The following KCNN1 variants were observed in gnomAD, a reference collection of about 807,000 sequenced individuals.
The protein encoded by KCNN1 is potassium calcium-activated channel subfamily N member 1, also known as small conductance calcium-activated potassium channel protein 1.
Under a neutral mutation model 44.7 loss-of-function variants are expected in KCNN1, and 20 were observed. The ratio of observed to expected loss-of-function variants is 0.45; its 90% CI spans 0.32 to 0.65. The LOEUF (loss-of-function observed/expected upper bound fraction) is 0.65. KCNN1 is among the 30% of genes least tolerant of loss of function. KCNN1 has a pLI of 0.05. For synonymous variants in KCNN1, 324 were observed against 341.7 expected, an observed-to-expected ratio of 0.95 and a Z score of 0.57; for missense variants, 632 against 785.3, an observed-to-expected ratio of 0.80 and a Z score of 2.33.
chr19:17,967,821 C>T (rs2031869103), intron 1 of KCNN1, among the ~76,000 whole-genome samples: 1 of 151,910 alleles, frequency 6.6e-6, no homozygotes, highest in Non-Finnish European at 1.5e-5. Context: ...ATGGGAGTTC[C>T]CGAGGCTGGG....
intron 2 of KCNN1, among the ~76,000 whole-genome samples, chr19:17,958,975 C>T (rs2031612516): frequency 6.7e-6 from 1 of 149,626 alleles, no homozygotes. Context: ...GCTGGGATTA[C>T]AGGCGTGAGC....
At chr19:17,981,079 T>C (rs1273493773) in intron 3 of KCNN1, among the ~76,000 whole-genome samples, 1 of 151,020 alleles carries the variant, frequency 6.6e-6, no homozygotes, top group Non-Finnish European at 1.5e-5. Context: ...TAGCCAGGCA[T>C]GGTGGCAGGC....
intron 9 of KCNN1, among the ~76,000 whole-genome samples, chr19:17,996,926 A>G (rs914143678): frequency 8.5e-5 from 13 of 152,198 alleles, no homozygotes; most frequent in African/African-American, 2.2e-4. Context: ...TCCTTCCACC[A>G]CTGCCTCCAT....
intron 9 of KCNN1, among the ~76,000 whole-genome samples, chr19:17,995,399 C>T (rs2032949298): frequency 6.6e-6 from 1 of 151,678 alleles, no homozygotes; most frequent in African/African-American, 2.4e-5. Context: ...GTCTCAAACT[C>T]CTGAGCTCAA....
At chr19:17,958,854 C>T (rs1207016745) in intron 2 of KCNN1, among the ~76,000 whole-genome samples, 8 of 151,064 alleles carry the variant, frequency 5.3e-5, no homozygotes, top group African/African-American at 1.5e-4. Context: ...CCCGCCACCA[C>T]GCCTGGCTAA....
chr19:17,961,833 C>T (rs926336090), intron 2 of KCNN1, among the ~76,000 whole-genome samples: 36 of 152,170 alleles, frequency 2.4e-4, no homozygotes, highest in African/African-American at 8.7e-4. Context: ...AGGTGATCCA[C>T]CCGCCTCGGC....
Position 17,981,999 on chromosome 19 carries a change from C to A in KCNN1, c.789C>A (p.Leu263=). Residue 263 remains leucine, a synonymous_variant, in exon 4 of 10, where the codon CTC becomes CTA. Coordinates refer to ENST00000684775, the MANE Select transcript of KCNN1 (RefSeq NM_001386974.1). ...CCTCGAGCCGCAGCATCGGGGCCCT[C>A]AACAAGATCACCTTCAACACGCGCT... The part of the protein sequence containing the change: ...TDASSRSIGA[L]NKITFNTRFV... 1 of 1,610,882 alleles carries A rather than the reference C, an allele frequency of 6.2e-7. No individual in the cohort carries two copies. The highest frequency in any genetic ancestry group is 8.5e-7 in the Non-Finnish European group (1 of 1,178,652).
At chr19:17,967,440 C>A in intron 1 of KCNN1, 123 bp downstream of exon 1, 1 of 338,324 alleles carries the variant, frequency 3.0e-6, no homozygotes, top group Non-Finnish European at 4.2e-6. Flanking sequence ...GGAGGGTCTC[C>A]GTGCGGTCCG....
chr19:17,997,499 G>C (rs1486926203), intron 9 of KCNN1, among the ~76,000 whole-genome samples: 1 of 152,168 alleles, frequency 6.6e-6, no homozygotes, highest in Non-Finnish European at 1.5e-5. Context: ...CCTGAGCTTG[G>C]CTTGCTTGCT....
rs71164333 is a variant in KCNN1, at chr19:17,970,289, A to ATTTTTT, written c.-82+3012_-82+3017dup. On this transcript the variant is annotated intron_variant, in intron 1 of 9. Coordinates refer to ENST00000684775, the MANE Select transcript of KCNN1 (RefSeq NM_001386974.1). ...AGGTCACCTGACCATAGAAGGAATG[A>ATTTTTT]TTTTTTTTTTTTTTTTTTTTTTTTT... Among the ~76,000 whole-genome samples, 22 of 56,926 alleles carry ATTTTTT rather than the reference A, an allele frequency of 3.9e-4. 4 individuals carry two copies. Among genetic ancestry groups the ATTTTTT allele is most frequent in the East Asian group, 6.0e-4 (1 of 1,656 alleles). 37.3% of individuals were successfully genotyped at this position (56,926 alleles called of 152,430 possible).
intron 1 of KCNN1, among the ~76,000 whole-genome samples, chr19:17,968,247 T>C (rs1411883138): frequency 6.6e-6 from 1 of 151,988 alleles, no homozygotes; most frequent in Non-Finnish European, 1.5e-5. Flanking sequence ...CGGAAGCCCC[T>C]GGGTGTGCAT....
rs749770335 is a variant in KCNN1 at position 17,981,730 on chromosome 19, G to A, written c.520G>A (p.Ala174Thr). 2 of 1,592,230 alleles carry A rather than the reference G, an allele frequency of 1.3e-6. No homozygotes were observed. The highest frequency in any genetic ancestry group is 1.1e-5 in the South Asian group (1 of 88,818). ...EIQLFMVDNG[A>T]DDWRIAMTCE... ...ACAGCTGTTCATGGTGGACAACGGG[G>A]CTGATGACTGGCGCATCGCCATGAC... is the stretch of plus-strand genomic sequence containing the variant. The change falls in exon 4 of 10, where the codon GCT becomes ACT. Residue 174 changes from alanine (A) to threonine (T), a missense_variant. Coordinates refer to ENST00000684775, the MANE Select transcript of KCNN1 (RefSeq NM_001386974.1).
intron 3 of KCNN1, among the ~76,000 whole-genome samples, chr19:17,975,914 A>G (rs918632799): frequency 3.9e-5 from 6 of 152,130 alleles, no homozygotes; most frequent in African/African-American, 1.4e-4. Flanking sequence ...CATATTGCCC[A>G]GGCTGGCCTC....
At chr19:17,968,080 G>A (rs1237392167) in intron 1 of KCNN1, among the ~76,000 whole-genome samples, 2 of 123,878 alleles carry the variant, frequency 1.6e-5, no homozygotes, top group South Asian at 3.2e-4. Context: ...GAGGGGAGGG[G>A]AAGGGAGGGG....
At position 17,977,134 on chromosome 19, in the gene KCNN1, T is replaced by C. The variant is rs375847033; in HGVS notation, c.498+1947T>C. ...CAGGGTTGGTTCCTTCTGAGAGCCA[T>C]GAGAGACAATCCGTCCCAGGCCTCT... On this transcript the variant is annotated intron_variant, in intron 3 of 9. Coordinates refer to ENST00000684775, the MANE Select transcript of KCNN1 (RefSeq NM_001386974.1). 2.6e-5 allele frequency among the ~76,000 whole-genome samples: 4 copies of C among 152,296 alleles called. No individual in the cohort carries two copies. The East Asian group carries it at 5.8e-4, about 22-fold the overall frequency.
rs774107476 is a variant in KCNN1, at chr19:17,974,181, C to T, written c.293C>T (p.Ala98Val). The change falls in exon 2 of 10, where the codon GCG becomes GTG. Residue 98 changes from alanine to valine, a missense_variant. Ala to Val is a moderately conservative substitution (Grantham distance 64). Around this residue, in one of 3 missense-constraint regions of KCNN1, gnomAD observed 235 missense variants for 224.0 expected, o/e 1.05. Coordinates refer to ENST00000684775, the MANE Select transcript of KCNN1 (RefSeq NM_001386974.1). This position sits in a 1 kb window ranked among gnomAD's most constrained non-coding sequence, Gnocchi z 7.3. ...GGCCACCGCCTGGGCCACCGGCGGG[C>T]GCTCTTCGAGAAGCGGAAGCGCCTC... is the stretch of plus-strand genomic sequence containing the variant. ...NVGHRLGHRR[A>V]LFEKRKRLSD... 4.2e-5 allele frequency: 67 copies of T among 1,611,742 alleles called. No homozygotes were observed. In the Middle Eastern group the frequency reaches 5.1e-4, roughly 12 times the overall value.
Position 17,982,027 on chromosome 19 carries a change from G to A in KCNN1, c.817G>A (p.Val273Ile), listed in dbSNP as rs1421245956. The A allele has an allele frequency of 1.2e-6, 2 of 1,609,836 alleles. No homozygotes were observed. The highest frequency in any genetic ancestry group is 1.7e-5 in the Admixed American group (1 of 59,472). ...LNKITFNTRF[V>I]MKTLMTICPG... ...CAAGATCACCTTCAACACGCGCTTC[G>A]TCATGAAGACACTCATGACCATCTG... The change falls in exon 4 of 10, where the codon GTC becomes ATC. Residue 273 changes from valine to isoleucine, a missense_variant. Physicochemically the swap from Val to Ile is conservative, Grantham distance 29. Around this residue, in one of 3 missense-constraint regions of KCNN1, gnomAD observed 160 missense variants for 308.3 expected, o/e 0.52. Transcript: ENST00000684775.
chr19:17,980,228 A>AT (rs34810089), intron 3 of KCNN1, among the ~76,000 whole-genome samples: 4,667 of 43,938 alleles, frequency 0.11, 525 homozygotes, highest in Non-Finnish European at 0.13. Context: ...CACCTAGCTA[A>AT]TTTTTTTTTT....
At chr19:17,963,725 C>CTT (rs147435448), upstream of KCNN1, among the ~76,000 whole-genome samples, 4,426 of 139,660 alleles carry the variant, frequency 0.032, 260 homozygotes, top group African/African-American at 0.11. Flanking sequence ...ACTTCTGATA[C>CTT]TTTTTTTTTT....
Sources: allele counts gnomAD v4.1 joint callset (sites outside exome capture counted in the v4.1 genomes callset), GRCh38; gene constraint gnomAD v4.1.1; regional missense constraint gnomAD v4.1.1; non-coding constraint Gnocchi (gnomAD v3.1); transcripts MANE v1.5; gene names NCBI Gene and HGNC (gene_info 2026-07-23, HGNC 2026-07-21).